LAMC3: variants seen among roughly 807,000 people sequenced by gnomAD.
The protein encoded by LAMC3 is laminin subunit gamma 3.
LAMC3 carries 128 observed loss-of-function variants against 173.8 expected under a neutral mutation model. The ratio of observed to expected loss-of-function variants is 0.74; its 90% confidence interval spans 0.64 to 0.85. The LOEUF (loss-of-function observed/expected upper bound fraction) is 0.85. Ranked by LOEUF, LAMC3 falls within the 40% of genes least tolerant of loss-of-function variation. The pLI is 0.00. For synonymous variants in LAMC3, 897 were observed against 909.1 expected (o/e 0.99, Z 0.24); for missense variants, 2,022 against 2,156.0 (o/e 0.94, Z 1.23).
intron 8 of LAMC3, among the ~76,000 whole-genome samples, chr9:131,047,902 TTTTA>T (rs766037458): frequency 6.5e-4 from 86 of 133,298 alleles, no homozygotes; most frequent in Non-Finnish European, 9.3e-4. Context: ...TTTTTATTAT[TTTTA>T]TTTATTTTTA....
In LAMC3 at chr9:131,024,398, G is replaced by A. The variant is rs183369797; in HGVS notation, c.374-1887G>A. Among the ~76,000 whole-genome samples the A allele has an allele frequency of 2.8e-3, 429 of 152,118 alleles. 5 individuals are homozygous for A. Among genetic ancestry groups the A allele is most frequent in the African/African-American group, 9.9e-3 (413 of 41,510 alleles). On this transcript the variant is annotated intron_variant, in intron 1 of 27. Coordinates refer to ENST00000361069, the MANE Select transcript of LAMC3 (RefSeq NM_006059.4). ...TGACCTCAGGTGATCCACCCGCTTC[G>A]GCCTCCCAAAGTGCTAGGATTACAG...
intron 1 of LAMC3, among the ~76,000 whole-genome samples, chr9:131,018,695 G>A (rs1443761877): frequency 6.6e-6 from 1 of 152,110 alleles, no homozygotes; most frequent in African/African-American, 2.4e-5. Flanking sequence ...CGCCTGTCTA[G>A]CTCCCATGCA....
intron 18 of LAMC3, among the ~76,000 whole-genome samples, chr9:131,071,904 G>C (rs1830042050): frequency 6.6e-6 from 1 of 152,230 alleles, no homozygotes; most frequent in East Asian, 1.9e-4. Flanking sequence ...GGCTGGACTG[G>C]GAGGGTCTTG....
chr9:131,013,686 G>A (rs1833466000), intron 1 of LAMC3, among the ~76,000 whole-genome samples: 1 of 152,218 alleles, frequency 6.6e-6, no homozygotes, highest in South Asian at 2.1e-4. Flanking sequence ...GGGTCTCGCT[G>A]AGACCTGAAG....
intron 17 of LAMC3, 66 bp from the exon 18 acceptor site, chr9:131,071,418 C>T (rs1349431682): frequency 8.9e-6 from 14 of 1,578,020 alleles, no homozygotes; most frequent in African/African-American, 2.7e-5. Flanking sequence ...TAGAAGCCAG[C>T]GGGAGTGTCT....
intron 27 of LAMC3, 29 bp downstream of exon 27, chr9:131,087,846 AC>A (rs2133353213): frequency 6.3e-7 from 1 of 1,584,950 alleles, no homozygotes; most frequent in Non-Finnish European, 8.7e-7. Flanking sequence ...TGGGCCCTGA[AC>A]CCCTGGGTCC....
rs772737957 is a variant in LAMC3, at chr9:131,009,515, A to T, written c.301A>T (p.Thr101Ser). The T allele has an allele frequency of 1.3e-6, 2 of 1,555,442 alleles. No homozygotes were observed. Among genetic ancestry groups the T allele is most frequent in the South Asian group, 2.4e-5 (2 of 84,316 alleles). The change falls in exon 1 of 28, where the codon ACC becomes TCC. Residue 101 changes from threonine (T) to serine (S), a missense_variant. Thr to Ser is a moderately conservative substitution (Grantham distance 58). Coordinates refer to ENST00000361069, the MANE Select transcript of LAMC3 (RefSeq NM_006059.4). This position sits in a 1 kb window ranked among gnomAD's most constrained non-coding sequence, Gnocchi z 4.3. ...LTDFHSQDES[T>S]WWQSPSMAFG... ...CGACTTCCACAGCCAGGACGAGAGCACCTGGTGGCAGAGCCCGTCCATGGC... is the reference window on the plus strand; with the variant it reads ...CGACTTCCACAGCCAGGACGAGAGCTCCTGGTGGCAGAGCCCGTCCATGGC...
intron 12 of LAMC3, among the ~76,000 whole-genome samples, chr9:131,059,259 G>A (rs565426142): frequency 3.8e-4 from 58 of 151,702 alleles, no homozygotes; most frequent in African/African-American, 1.2e-3. Context: ...TTGGGAGGCC[G>A]AGGTGGGCAG....
intron 13 of LAMC3, 63 bp downstream of exon 13, chr9:131,061,286 G>A (rs2133299442): frequency 1.4e-6 from 2 of 1,417,764 alleles, no homozygotes; most frequent in East Asian, 4.7e-5. Context: ...CTGTGACTAT[G>A]CCCTGGGCTC....
chr9:131,083,177 G>A (rs1195545281), intron 24 of LAMC3, among the ~76,000 whole-genome samples: 3 of 152,188 alleles, frequency 2.0e-5, no homozygotes, highest in Admixed American at 6.5e-5. Flanking sequence ...ACCTGGCAGT[G>A]GACTCGCCCA....
intron 27 of LAMC3, among the ~76,000 whole-genome samples, chr9:131,089,774 A>C (rs1310121496): frequency 6.6e-6 from 1 of 152,054 alleles, no homozygotes; most frequent in Non-Finnish European, 1.5e-5. Context: ...TTCAATTTTC[A>C]TTCGTAGTAA....
chr9:131,046,159 G>A (rs1834151755), intron 8 of LAMC3, among the ~76,000 whole-genome samples: 2 of 135,466 alleles, frequency 1.5e-5, no homozygotes, highest in Non-Finnish European at 3.1e-5. Context: ...CACTGCATTT[G>A]TCAGCTCCTG....
At chr9:131,039,741 G>T (rs1400175864) in intron 6 of LAMC3, among the ~76,000 whole-genome samples, 2 of 151,930 alleles carry the variant, frequency 1.3e-5, no homozygotes, top group Non-Finnish European at 2.9e-5. Context: ...TGACCAGGGG[G>T]TGGAAGAGGA....
intron 23 of LAMC3, among the ~76,000 whole-genome samples, chr9:131,081,753 G>A (rs1237791979): frequency 2.0e-5 from 3 of 152,216 alleles, no homozygotes; most frequent in South Asian, 2.1e-4. Flanking sequence ...GGGATTACAG[G>A]TGTGAGTCTC....
chr9:131,065,947 T>C (rs1200345862), intron 13 of LAMC3, among the ~76,000 whole-genome samples: 2 of 152,252 alleles, frequency 1.3e-5, no homozygotes, highest in East Asian at 3.9e-4. Context: ...CAGTGGCACA[T>C]GCCTGTAATC....
intron 11 of LAMC3, 84 bp downstream of exon 11, chr9:131,053,049 T>TCAGG: frequency 9.6e-7 from 1 of 1,039,582 alleles, no homozygotes; most frequent in Non-Finnish European, 1.5e-6. Context: ...CACAGTCTTG[T>TCAGG]CAGGGCCTTG....
rs945915844 is a variant in LAMC3 at position 131,026,900 on chromosome 9, G to A, written c.678+311G>A. 4.6e-4 allele frequency among the ~76,000 whole-genome samples: 70 copies of A among 152,006 alleles called. No homozygotes were observed. The highest frequency in any genetic ancestry group is 1.6e-3 in the African/African-American group (65 of 41,380). ...TCTTTTTTGTATTTTTAGTAGAGAC[G>A]GGGGTTTCGCCATGTTGGCCAGGCT... On this transcript the variant is annotated intron_variant, in intron 2 of 27. Transcript: ENST00000361069. This position sits in a 1 kb window ranked among gnomAD's most constrained non-coding sequence, Gnocchi z 4.8.
intron 8 of LAMC3, among the ~76,000 whole-genome samples, chr9:131,046,516 G>GTTTTTTTTTTTTTTTTTTTTTTTT (rs1443313320): frequency 2.6e-5 from 1 of 38,756 alleles, no homozygotes; most frequent in Non-Finnish European, 5.5e-5. Context: ...GCTAATTTTT[G>GTTTTTTTTTTTTTTTTTTTTTTTT]TATTTTTTTT....
At chr9:131,074,238 G>A (rs982192080) in intron 20 of LAMC3, among the ~76,000 whole-genome samples, 9 of 151,270 alleles carry the variant, frequency 5.9e-5, no homozygotes, top group Non-Finnish European at 2.9e-5. Context: ...GTGAGCCACC[G>A]CGCCCGGCCA....
Sources: gnomAD v4.1 joint callset for allele counts (sites outside exome capture counted in the v4.1 genomes callset) on GRCh38, gnomAD v4.1.1 for gene constraint, Gnocchi (gnomAD v3.1) non-coding constraint, MANE v1.5 for transcripts, NCBI Gene and HGNC (gene_info 2026-07-23, HGNC 2026-07-21) for gene names.